The following STPG2 variants were observed in gnomAD, a reference collection of about 807,000 sequenced individuals.
STPG2 encodes the protein sperm tail PG-rich repeat containing 2, also known as sperm-tail PG-rich repeat-containing protein 2.
In STPG2, 56 loss-of-function variants were observed where a neutral mutation model predicts 54.2. The observed-to-expected ratio is 1.03, with a 90% CI of 0.83 to 1.29. The LOEUF (loss-of-function observed/expected upper bound fraction) is 1.29. STPG2 is among the 50% of genes most tolerant of loss of function. The pLI is 0.00. For missense variants in STPG2, 596 were observed against 544.9 expected, an observed-to-expected ratio of 1.09 and a Z score of -0.93; for synonymous variants, 200 against 181.8, an observed-to-expected ratio of 1.10 and a Z score of -0.81.
chr4:97,643,580 A>C (rs1400452586), intron 10 of STPG2, among the ~76,000 whole-genome samples: 1 of 151,770 alleles, frequency 6.6e-6, no homozygotes, highest in Non-Finnish European at 1.5e-5. Flanking sequence ...GTTACTTTAA[A>C]GGGCTTATTT....
At chr4:97,639,702 AG>A (rs1265639569) in intron 10 of STPG2, among the ~76,000 whole-genome samples, 3 of 152,070 alleles carry the variant, frequency 2.0e-5, no homozygotes, top group Non-Finnish European at 4.4e-5. Flanking sequence ...AGAATTTTTA[AG>A]GGTTTCTTCT....
At chr4:97,653,626 GA>G (rs1560704669) in intron 10 of STPG2, among the ~76,000 whole-genome samples, 1 of 152,014 alleles carries the variant, frequency 6.6e-6, no homozygotes, top group African/African-American at 2.4e-5. Context: ...CACTACTTTT[GA>G]AAAAGGACAA....
chr4:97,849,073 A>C (rs538478172), intron 8 of STPG2, among the ~76,000 whole-genome samples: 229 of 149,870 alleles, frequency 1.5e-3, no homozygotes, highest in African/African-American at 5.2e-3. Flanking sequence ...GGCATTGAAT[A>C]TGTAAATTAC....
chr4:97,792,954 C>T (rs1727048652), intron 9 of STPG2, among the ~76,000 whole-genome samples: 1 of 152,036 alleles, frequency 6.6e-6, no homozygotes, highest in East Asian at 1.9e-4. Flanking sequence ...GAGTTCGAGA[C>T]CAGCCTGGCC....
At chr4:97,608,272 C>A (rs1425589492) in intron 10 of STPG2, among the ~76,000 whole-genome samples, 1 of 151,860 alleles carries the variant, frequency 6.6e-6, no homozygotes, top group East Asian at 1.9e-4. Context: ...GCAGAAAATT[C>A]ATGGGCTAGT....
chr4:97,902,379 A>C (rs1375816975), intron 8 of STPG2, among the ~76,000 whole-genome samples: 1 of 152,064 alleles, frequency 6.6e-6, no homozygotes. Context: ...TACAGAATAA[A>C]AGAAAATATT....
intron 4 of STPG2, among the ~76,000 whole-genome samples, chr4:97,499,651 G>T (rs1467057484): frequency 6.6e-6 from 1 of 151,946 alleles, no homozygotes; most frequent in Non-Finnish European, 1.5e-5. Context: ...AGATAGAAAA[G>T]TCCTGAGGGG....
intron 5 of STPG2, chr4:98,025,668 A>G (rs535884534): frequency 9.9e-7 from 1 of 1,014,560 alleles, no homozygotes. Flanking sequence ...CTAACAAATT[A>G]TGTTGCAGCG....
chr4:97,972,472 T>TTATTAG, intron 6 of STPG2, 32 bp from the exon 7 acceptor site: 1 of 1,317,532 alleles, frequency 7.6e-7, no homozygotes, highest in African/African-American at 1.5e-5. Flanking sequence ...TATATAAGAA[T>TTATTAG]AAGCATGCTT....
At chr4:97,990,776 C>CA (rs1258311423) in intron 5 of STPG2, among the ~76,000 whole-genome samples, 1 of 152,076 alleles carries the variant, frequency 6.6e-6, no homozygotes, top group Non-Finnish European at 1.5e-5. Context: ...TGTAACCTAA[C>CA]AAAAAATGAT....
In STPG2 at chr4:97,983,267, T is replaced by G. The variant is rs539545964; in HGVS notation, c.613-1949A>C. 4.6e-3 allele frequency among the ~76,000 whole-genome samples: 695 copies of G among 152,362 alleles called. 5 individuals are homozygous for G. Among genetic ancestry groups the G allele is most frequent in the African/African-American group, 0.016 (655 of 41,586 alleles). ...TTAATAACATTTCCTTTTTTCTAGC[T>G]TACTTTATTGTAAGTATACAGTACA... On this transcript the variant is annotated intron_variant, in intron 5 of 10. Coordinates refer to ENST00000295268, the MANE Select transcript of STPG2 (RefSeq NM_174952.3).
intron 9 of STPG2, among the ~76,000 whole-genome samples, chr4:97,798,289 A>G (rs1366154275): frequency 6.6e-6 from 1 of 152,056 alleles, no homozygotes; most frequent in African/African-American, 2.4e-5. Flanking sequence ...TGTCAATTTT[A>G]GATCTTTCCT....
chr4:97,903,785 G>A (rs1027145592), intron 8 of STPG2, among the ~76,000 whole-genome samples: 12 of 152,178 alleles, frequency 7.9e-5, no homozygotes, highest in Non-Finnish European at 1.5e-4. Context: ...TGCCTCACTC[G>A]GGAAGCGCAA....
intron 5 of STPG2, among the ~76,000 whole-genome samples, chr4:98,047,384 T>G (rs901338577): frequency 6.6e-6 from 1 of 151,872 alleles, no homozygotes; most frequent in Admixed American, 6.6e-5. Flanking sequence ...TTTCATCAGC[T>G]CCCAGATGCA....
chr4:97,685,390 C>T (rs1276156230), intron 10 of STPG2, among the ~76,000 whole-genome samples: 2 of 151,912 alleles, frequency 1.3e-5, no homozygotes, highest in Non-Finnish European at 2.9e-5. Context: ...AAAATAAATG[C>T]GTTATCAAGC....
intron 5 of STPG2, among the ~76,000 whole-genome samples, chr4:98,103,727 C>T (rs902415214): frequency 2.0e-5 from 3 of 151,890 alleles, no homozygotes; most frequent in Non-Finnish European, 4.4e-5. Context: ...TCCTTGGTAT[C>T]TAAATTTCTA....
At chr4:97,520,791 A>G (rs1323045132) in intron 4 of STPG2, among the ~76,000 whole-genome samples, 1 of 152,100 alleles carries the variant, frequency 6.6e-6, no homozygotes, top group Non-Finnish European at 1.5e-5. Flanking sequence ...TCTTTAAAAA[A>G]TGATCTTACA....
chr4:97,560,820 G>C (rs940278458), intron 10 of STPG2, among the ~76,000 whole-genome samples: 1 of 152,134 alleles, frequency 6.6e-6, no homozygotes, highest in Non-Finnish European at 1.5e-5. Context: ...GTAAAATTGA[G>C]GGGAGGGGGG....
At chr4:98,011,433 G>A (rs1217185929) in intron 5 of STPG2, among the ~76,000 whole-genome samples, 10 of 152,120 alleles carry the variant, frequency 6.6e-5, no homozygotes. Flanking sequence ...GTGTGCATAT[G>A]TCTTTATAAT....
Sources: allele counts gnomAD v4.1 joint callset (sites outside exome capture counted in the v4.1 genomes callset), GRCh38; gene constraint gnomAD v4.1.1; transcripts MANE v1.5; gene names NCBI Gene and HGNC (gene_info 2026-07-23, HGNC 2026-07-21).